NF1: variants seen among roughly 807,000 people sequenced by gnomAD.
NF1 encodes the protein neurofibromin 1.
In NF1, 122 loss-of-function variants were observed where a neutral mutation model predicts 325.7. That is an observed-to-expected ratio of 0.37 (90% confidence interval 0.32 to 0.44). NF1 has a LOEUF of 0.44. Among genes scored for constraint, NF1 ranks in the 20% least tolerant of loss-of-function variants. The pLI, the probability that NF1 is intolerant of heterozygous loss-of-function variation, is 1.00. For missense variants in NF1, 2,140 were observed against 3,415.4 expected (o/e 0.63, Z 9.31); for synonymous variants, 1,091 against 1,186.0 (o/e 0.92, Z 1.65).
chr17:31,108,756 C>T (rs1444353896), intron 1 of NF1, among the ~76,000 whole-genome samples: 1 of 152,124 alleles, frequency 6.6e-6, no homozygotes, highest in Non-Finnish European at 1.5e-5. Context: ...AATATAAAAA[C>T]AACTCAATTA....
intron 39 of NF1, 160 bp from the exon 40 acceptor site, chr17:31,334,678 C>T (rs563728681): frequency 3.0e-5 from 19 of 633,128 alleles, no homozygotes; most frequent in Admixed American, 2.5e-4. Flanking sequence ...GTTCTTTCTT[C>T]GCCTCTACAA....
chr17:31,334,245 C>T (rs1461665844), intron 39 of NF1, among the ~76,000 whole-genome samples: 2 of 151,174 alleles, frequency 1.3e-5, no homozygotes, highest in Admixed American at 1.3e-4. Context: ...TGCAGTGAGC[C>T]GAGATCGCTC....
chr17:31,133,414 G>C (rs1484398916), intron 1 of NF1: 1 of 152,090 alleles, frequency 6.6e-6, no homozygotes, highest in African/African-American at 2.4e-5. Context: ...TCACCTTTTG[G>C]TTATTGTAAA....
intron 36 of NF1, among the ~76,000 whole-genome samples, chr17:31,315,576 A>G (rs1230135791): frequency 6.6e-6 from 1 of 152,232 alleles, no homozygotes; most frequent in Non-Finnish European, 1.5e-5. Context: ...TTTTTAAGTT[A>G]ACTAAACAAA....
At chr17:31,147,264 CT>C (rs1380685301) in intron 1 of NF1, among the ~76,000 whole-genome samples, 3 of 152,178 alleles carry the variant, frequency 2.0e-5, no homozygotes, top group Non-Finnish European at 2.9e-5. Flanking sequence ...TCTATCCTGA[CT>C]TCTAAAATCA....
Position 31,229,975 on chromosome 17 carries a change from G to A in NF1, c.2990+1G>A, listed in dbSNP as rs1135402836. 1 of 1,611,668 alleles carries A rather than the reference G, an allele frequency of 6.2e-7. No homozygotes were observed. Among genetic ancestry groups the A allele is most frequent in the Non-Finnish European group, 8.5e-7 (1 of 1,179,658 alleles). On this transcript the variant is annotated splice_donor_variant, in intron 22 of 57. Coordinates refer to ENST00000358273, the MANE Select transcript of NF1 (RefSeq NM_001042492.3). LOFTEE classifies it high-confidence loss of function. ...AAACAATGATGTTAAATCTGGTCAG[G>A]TAAGCATTCTACTGAAATGTAGCAG... is the stretch of plus-strand genomic sequence containing the variant.
At chr17:31,111,234 A>C (rs779714780) in intron 1 of NF1, among the ~76,000 whole-genome samples, 3 of 152,054 alleles carry the variant, frequency 2.0e-5, no homozygotes, top group Admixed American at 2.0e-4. Context: ...AAAAGAATGG[A>C]AAGAGTAGAA....
rs17881095 is a variant in NF1, at chr17:31,230,746, A to T, written c.3114-96A>T. 2,109 of 968,688 alleles carry T rather than the reference A, an allele frequency of 2.2e-3. 7 individuals are homozygous for T. Among genetic ancestry groups the T allele is most frequent in the Middle Eastern group, 6.1e-3 (24 of 3,932 alleles). The allele number at this position is 968,688 out of a possible 1,614,324, so 60.0% of individuals were successfully genotyped here. A position where few individuals can be genotyped will look rare whatever the true frequency, so the allele number is the denominator to read the frequency against. On this transcript the variant is annotated intron_variant, in intron 23 of 57. Coordinates refer to ENST00000358273, the MANE Select transcript of NF1 (RefSeq NM_001042492.3). ...GTCATGTCACTTAGGTTATCTGGCAAATTATTTGCACTATAAGAAATCTTA... is the reference window on the plus strand; with the variant it reads ...GTCATGTCACTTAGGTTATCTGGCATATTATTTGCACTATAAGAAATCTTA...
chr17:31,247,568 G>A (rs948834877), intron 29 of NF1, among the ~76,000 whole-genome samples: 1 of 152,110 alleles, frequency 6.6e-6, no homozygotes, highest in African/African-American at 2.4e-5. Flanking sequence ...CTAGATTGGA[G>A]GGGAATAAGA....
intron 1 of NF1, among the ~76,000 whole-genome samples, chr17:31,150,320 A>G (rs1418036655): frequency 2.0e-5 from 3 of 152,204 alleles, no homozygotes; most frequent in East Asian, 3.8e-4. Flanking sequence ...AACTCTAACC[A>G]GAACCATATA....
intron 15 of NF1, 133 bp downstream of exon 15, chr17:31,222,062 T>C: frequency 7.8e-7 from 1 of 1,274,896 alleles, no homozygotes. Flanking sequence ...TTGTATTTTA[T>C]TTGACTTCAA....
At chr17:31,208,744 A>G (rs1428220739) in intron 12 of NF1, among the ~76,000 whole-genome samples, 5 of 152,124 alleles carry the variant, frequency 3.3e-5, no homozygotes, top group Non-Finnish European at 5.9e-5. Context: ...TACAAAAATT[A>G]GCCAGGCGTG....
At chr17:31,192,232 A>G (rs1244345579) in intron 8 of NF1, among the ~76,000 whole-genome samples, 2 of 152,364 alleles carry the variant, frequency 1.3e-5, no homozygotes, top group East Asian at 3.9e-4. Context: ...TGAACCAAAT[A>G]CGAGTGACCA....
chr17:31,232,759 C>T lies in NF1; in HGVS notation c.3374C>T (p.Ala1125Val), dbSNP rs902739109. The T allele has an allele frequency of 1.1e-5, 17 of 1,613,618 alleles. No individual in the cohort carries two copies. The highest frequency in any genetic ancestry group is 4.4e-5 in the South Asian group (4 of 91,034). Residue 1125 changes from alanine (A) to valine (V), a missense_variant, in exon 26 of 58, where the codon GCG becomes GTG. Ala to Val is a moderately conservative substitution (Grantham distance 64, BLOSUM62 0). Around this residue, in one of 10 missense-constraint regions of NF1, gnomAD observed 380 missense variants for 639.3 expected, o/e 0.59. Transcript: ENST00000358273. ...NDCSEVEDES[A>V]QTGGRKRGMS... ...TGCAGTGAAGTTGAAGATGAAAGTGCGCAAACAGGTGGCAGGAAACGTGGC... is the reference window on the plus strand; with the variant it reads ...TGCAGTGAAGTTGAAGATGAAAGTGTGCAAACAGGTGGCAGGAAACGTGGC...
chr17:31,351,369 C>T (rs1027036264), intron 50 of NF1, among the ~76,000 whole-genome samples: 1 of 152,062 alleles, frequency 6.6e-6, no homozygotes, highest in Admixed American at 6.6e-5. Context: ...TGTTAATTTG[C>T]TTGATTTAGC....
chr17:31,188,406 AT>A (rs2066279745), intron 8 of NF1, among the ~76,000 whole-genome samples: 1 of 152,150 alleles, frequency 6.6e-6, no homozygotes, highest in Non-Finnish European at 1.5e-5. Flanking sequence ...TCACATCAGC[AT>A]TTTAAGTATT....
At chr17:31,267,236 CT>C (rs2067808052) in intron 36 of NF1, among the ~76,000 whole-genome samples, 1 of 152,036 alleles carries the variant, frequency 6.6e-6, no homozygotes. Flanking sequence ...CTGGCCTTAG[CT>C]GCATAATCTT....
Position 31,360,650 on chromosome 17 carries a change from A to G in NF1, c.8324A>G (p.Asn2775Ser), listed in dbSNP as rs772090874. Residue 2775 changes from asparagine (N) to serine (S), a missense_variant, in exon 57 of 58, where the codon AAC becomes AGC. By Grantham distance (46) the Asn-to-Ser change is conservative. Coordinates refer to ENST00000358273, the MANE Select transcript of NF1 (RefSeq NM_001042492.3). ...ALQSQLSITA[N>S]LNLSNSMTSL... ...CAGAGCCAGCTTAGTATCACTGCCA[A>G]CCTTAACCTTTCTAATTCCATGACC... 9.3e-6 allele frequency: 15 copies of G among 1,613,970 alleles called. No homozygotes were observed. The highest frequency in any genetic ancestry group is 2.2e-5 in the East Asian group (1 of 44,882).
At chr17:31,307,999 A>G (rs1424953755) in intron 36 of NF1, 3 of 1,054,250 alleles carry the variant, frequency 2.8e-6, no homozygotes, top group African/African-American at 3.3e-5. Flanking sequence ...TTTTTTCCCT[A>G]TACGAATAAT....
Sources: allele counts gnomAD v4.1 joint callset (sites outside exome capture counted in the v4.1 genomes callset), GRCh38; gene constraint gnomAD v4.1.1; regional missense constraint gnomAD v4.1.1; transcripts MANE v1.5; gene names NCBI Gene and HGNC (gene_info 2026-07-23, HGNC 2026-07-21).